Variants in CFDP1 observed in about 807,000 individuals in gnomAD.
CFDP1 encodes the protein chromatin remodeling protein CFDP1, also known as heterochromatin-stabilizing protein CFDP1.
CFDP1 carries 31 observed loss-of-function variants against 40.1 expected under a neutral mutation model. The ratio of observed to expected loss-of-function variants is 0.77; its 90% CI spans 0.58 to 1.04. The LOEUF (loss-of-function observed/expected upper bound fraction) is 1.04, where lower values mean the gene tolerates loss of function less well. Ranked by LOEUF, CFDP1 falls within the 50% of genes least tolerant of loss-of-function variation. The pLI, the probability that CFDP1 is intolerant of heterozygous loss-of-function variation, is 0.00. For synonymous variants in CFDP1, 167 were observed against 120.0 expected, an observed-to-expected ratio of 1.39 and a Z score of -2.56; for missense variants, 423 against 343.4, an observed-to-expected ratio of 1.23 and a Z score of -1.83.
rs377113793 is a variant in CFDP1, at chr16:75,375,948, C to T, written c.650+19142G>A. Among the ~76,000 whole-genome samples, 12 of 152,208 alleles carry T rather than the reference C, an allele frequency of 7.9e-5. No individual in the cohort carries two copies. The East Asian group carries it at 9.6e-4, about 12-fold the overall frequency. ...AACATTAAGACTGAGCGTTGTGGCT[C>T]ATGCCTATAATCCTTGCAGTTTGGG... On this transcript the variant is annotated intron_variant, in intron 5 of 6. Transcript: ENST00000283882.
chr16:75,352,281 C>T (rs978417291), intron 5 of CFDP1, among the ~76,000 whole-genome samples: 1 of 151,846 alleles, frequency 6.6e-6, no homozygotes, highest in Non-Finnish European at 1.5e-5. Context: ...ACGGAGGTTG[C>T]AGTGAGTCGA....
chr16:75,418,018 C>G (rs767296408), intron 1 of CFDP1, among the ~76,000 whole-genome samples: 67 of 151,988 alleles, frequency 4.4e-4, no homozygotes, highest in Non-Finnish European at 8.5e-4. Flanking sequence ...CTTTGGGAGG[C>G]TGAGGTGGGT....
chr16:75,398,872 G>A (rs1030754310), intron 4 of CFDP1, among the ~76,000 whole-genome samples: 9 of 151,954 alleles, frequency 5.9e-5, no homozygotes, highest in African/African-American at 1.9e-4. Flanking sequence ...GGCTAACACG[G>A]TGAAACCCCG....
intron 5 of CFDP1, chr16:75,391,630 T>C (rs1255633628): frequency 6.6e-6 from 1 of 152,202 alleles, no homozygotes; most frequent in Non-Finnish European, 1.5e-5. Flanking sequence ...AAGGGCATAA[T>C]GTAAAATGTA....
intron 5 of CFDP1, among the ~76,000 whole-genome samples, chr16:75,353,557 C>T (rs889051273): frequency 3.3e-5 from 5 of 151,662 alleles, no homozygotes; most frequent in Admixed American, 1.3e-4. Context: ...GTCAGGAGAT[C>T]GAGACCATGG....
intron 1 of CFDP1, among the ~76,000 whole-genome samples, chr16:75,424,774 A>G (rs1029744635): frequency 2.1e-5 from 3 of 146,036 alleles, no homozygotes; most frequent in Non-Finnish European, 4.5e-5. Flanking sequence ...AAAAAAAAAG[A>G]TTGGGAAAAA....
Position 75,433,423 on chromosome 16 carries a change from A to T in CFDP1, c.-71T>A. ...CGCCTCCAACGGCAAAGCTCTAGGG[A>T]GAGACCATAGAGCCCCGGCGGCGGC... On this transcript the variant is annotated 5_prime_UTR_variant, in exon 1 of 7. Transcript: ENST00000283882. 6.2e-6 allele frequency: 9 copies of T among 1,443,850 alleles called. No individual in the cohort carries two copies. The highest frequency in any genetic ancestry group is 8.5e-6 in the Non-Finnish European group (9 of 1,057,502). The allele number at this position is 1,443,850 out of a possible 1,614,324, so 89.4% of individuals were successfully genotyped here. A position where few individuals can be genotyped will look rare whatever the true frequency, so the allele number is the denominator to read the frequency against.
At chr16:75,431,454 C>CAAAAAAAAAAAAAAAAAAAA (rs60902612) in intron 1 of CFDP1, among the ~76,000 whole-genome samples, 3 of 59,596 alleles carry the variant, frequency 5.0e-5, no homozygotes, top group Non-Finnish European at 8.7e-5. Flanking sequence ...ACTCTTGTCT[C>CAAAAAAAAAAAAAAAAAAAA]AAAAAAAAAA....
intron 5 of CFDP1, among the ~76,000 whole-genome samples, chr16:75,359,896 G>A (rs1307841779): frequency 2.0e-5 from 3 of 152,150 alleles, no homozygotes; most frequent in Non-Finnish European, 4.4e-5. Flanking sequence ...CTTCACATTT[G>A]CATTGCTAAT....
intron 5 of CFDP1, among the ~76,000 whole-genome samples, chr16:75,315,300 C>G (rs1488426187): frequency 7.9e-6 from 1 of 126,412 alleles, no homozygotes; most frequent in East Asian, 2.5e-4. Context: ...CCACTACACA[C>G]CAGCCTGGGT....
intron 5 of CFDP1, chr16:75,391,601 C>T (rs1027562741): frequency 6.6e-6 from 1 of 152,134 alleles, no homozygotes; most frequent in Admixed American, 6.6e-5. Context: ...TTTTTACATA[C>T]CTATTTTTAT....
chr16:75,379,916 T>C (rs550036103), intron 5 of CFDP1: 2 of 152,142 alleles, frequency 1.3e-5, no homozygotes, highest in Admixed American at 1.3e-4. Flanking sequence ...GATGGGCATA[T>C]CACTTGAGCC....
chr16:75,395,852 AC>A (rs1265514439), intron 4 of CFDP1, among the ~76,000 whole-genome samples: 1 of 151,654 alleles, frequency 6.6e-6, no homozygotes, highest in Admixed American at 6.6e-5. Flanking sequence ...CAAATCTGAA[AC>A]AATTATCTTC....
At chr16:75,407,467 A>G (rs1297365780) in intron 4 of CFDP1, among the ~76,000 whole-genome samples, 3 of 152,014 alleles carry the variant, frequency 2.0e-5, no homozygotes, top group Admixed American at 6.6e-5. Context: ...ACTTGAGTCC[A>G]GGAGGTTCAA....
chr16:75,354,821 T>C (rs553887416), intron 5 of CFDP1, among the ~76,000 whole-genome samples: 11 of 152,316 alleles, frequency 7.2e-5, no homozygotes, highest in African/African-American at 1.4e-4. Context: ...GTTTGGATAA[T>C]AGTACCGTCC....
chr16:75,297,304 G>C lies in CFDP1; in HGVS notation c.810-3262C>G, dbSNP rs1246062966. 2.6e-5 allele frequency among the ~76,000 whole-genome samples: 4 copies of C among 152,220 alleles called. No individual in the cohort carries two copies. In the East Asian group the frequency reaches 7.7e-4, roughly 29 times the overall value. On this transcript the variant is annotated intron_variant, in intron 6 of 6. Transcript: ENST00000283882. ...CGAAGTGCTGGGATTACAGGCGTGA[G>C]CCACTCTGCCCGGTCTTGCTTCACA...
chr16:75,312,025 T>C (rs1015825455), intron 5 of CFDP1, among the ~76,000 whole-genome samples: 10 of 152,192 alleles, frequency 6.6e-5, no homozygotes, highest in African/African-American at 2.2e-4. Flanking sequence ...AATTCTTCGT[T>C]GAGGGCTGTC....
At position 75,414,603 on chromosome 16, in the gene CFDP1, T is replaced by C; in HGVS notation, c.157A>G (p.Arg53Gly). 1.2e-6 allele frequency: 2 copies of C among 1,610,826 alleles called. No individual in the cohort carries two copies. Among genetic ancestry groups the C allele is most frequent in the East Asian group, 2.2e-5 (1 of 44,842 alleles). ...CTGGCTGGAATGCTCTGGGCCTTTC[T>C]TTTTTTCCCTTGGGTTTTCTGTGTC... ...EQTQKTQGKK[R>G]KAQSIPARKR... Residue 53 changes from arginine to glycine, a missense_variant, in exon 2 of 7, where the codon AGA (arginine) becomes GGA (glycine). Arg to Gly is a moderately radical substitution (Grantham distance 125). Transcript: ENST00000283882.
rs576854066 is a variant in CFDP1 at position 75,303,365 on chromosome 16, C to CTAAATAAA, written c.809+1651_809+1658dup. 3.0e-3 allele frequency among the ~76,000 whole-genome samples: 403 copies of CTAAATAAA among 136,180 alleles called. 2 individuals carry two copies. Among genetic ancestry groups the CTAAATAAA allele is most frequent in the African/African-American group, 6.7e-3 (245 of 36,704 alleles). The allele number at this position is 136,180 out of a possible 152,430, so 89.3% of individuals were successfully genotyped here. A position where few individuals can be genotyped will look rare whatever the true frequency, so the allele number is the denominator to read the frequency against. ...TGGGTGACAGGGTGAGACTCCATCT[C>CTAAATAAA]TAAATAAATAAATAAATAAATAAAT... On this transcript the variant is annotated intron_variant, in intron 6 of 6. Coordinates refer to ENST00000283882, the MANE Select transcript of CFDP1 (RefSeq NM_006324.3).
Sources: gnomAD v4.1 joint callset for allele counts (sites outside exome capture counted in the v4.1 genomes callset) on GRCh38, gnomAD v4.1.1 for gene constraint, MANE v1.5 for transcripts, NCBI Gene and HGNC (gene_info 2026-07-23, HGNC 2026-07-21) for gene names.